Variants in METTL15 observed in about 807,000 individuals in gnomAD.
METTL15 encodes methyltransferase 15, mitochondrial 12S rRNA N4-cytidine.
A neutral mutation model predicts 38.3 loss-of-function variants in METTL15; 34 were observed. The ratio of observed to expected loss-of-function variants is 0.89; its 90% confidence interval spans 0.68 to 1.18. The LOEUF (loss-of-function observed/expected upper bound fraction) is 1.18, where lower values mean the gene tolerates loss of function less well. Ranked by LOEUF, METTL15 falls within the 50% of genes most tolerant of loss-of-function variation. The pLI is 0.00. For synonymous variants in METTL15, 162 were observed against 170.9 expected, an observed-to-expected ratio of 0.95 and a Z score of 0.41; for missense variants, 438 against 498.4, an observed-to-expected ratio of 0.88 and a Z score of 1.15.
At chr11:28,172,707 G>A (rs976995210) in intron 3 of METTL15, among the ~76,000 whole-genome samples, 3 of 152,148 alleles carry the variant, frequency 2.0e-5, no homozygotes, top group African/African-American at 4.8e-5. Context: ...CAGACATTGC[G>A]TTAGGTACTA....
At chr11:28,297,024 T>G in intron 6 of METTL15, 93 bp downstream of exon 6, 2 of 1,275,700 alleles carry the variant, frequency 1.6e-6, no homozygotes, top group Non-Finnish European at 2.2e-6. Context: ...CACATGTGTG[T>G]GTGCATTAAT....
chr11:28,299,496 A>G (rs116420608), intron 6 of METTL15, among the ~76,000 whole-genome samples: 2,624 of 152,190 alleles, frequency 0.017, 70 homozygotes, highest in African/African-American at 0.059. Flanking sequence ...TTATGTAATA[A>G]CAACAGTGAA....
At chr11:28,127,037 A>G (rs774876622) in intron 3 of METTL15, among the ~76,000 whole-genome samples, 9 of 152,126 alleles carry the variant, frequency 5.9e-5, no homozygotes, top group Admixed American at 2.0e-4. Flanking sequence ...GTAAGAATGA[A>G]AGATTGTAAG....
chr11:28,308,921 T>TAGAC (rs1857175782), intron 6 of METTL15, among the ~76,000 whole-genome samples: 1 of 151,862 alleles, frequency 6.6e-6, no homozygotes, highest in Non-Finnish European at 1.5e-5. Context: ...GATAGATAGA[T>TAGAC]AGATAGATAG....
At chr11:28,320,761 G>GT in intron 6 of METTL15, among the ~76,000 whole-genome samples, 1 of 152,194 alleles carries the variant, frequency 6.6e-6, no homozygotes, top group East Asian at 1.9e-4. Context: ...AACCTGGAAG[G>GT]TTTAGGCTGA....
chr11:28,223,043 C>CT (rs1853313664), intron 4 of METTL15, among the ~76,000 whole-genome samples: 1 of 152,068 alleles, frequency 6.6e-6, no homozygotes, highest in African/African-American at 2.4e-5. Context: ...GAAAAGGATA[C>CT]TTTCATCTAT....
At chr11:28,295,143 A>G (rs1425990463) in intron 5 of METTL15, among the ~76,000 whole-genome samples, 1 of 152,134 alleles carries the variant, frequency 6.6e-6, no homozygotes, top group Non-Finnish European at 1.5e-5. Flanking sequence ...GGGAAGATCT[A>G]AAGGACAGTG....
At position 28,328,160 on chromosome 11, in the gene METTL15, C is replaced by G. The variant is rs1243316467; in HGVS notation, c.779-2236C>G. ...TTAGGAAAATGGACGAATTGAATAG[C>G]AAATGGTAAGAAGCTGGCCTTCCTT... is the stretch of plus-strand genomic sequence containing the variant. On this transcript the variant is annotated intron_variant, in intron 6 of 6. Coordinates refer to ENST00000407364, the MANE Select transcript of METTL15 (RefSeq NM_001113528.2). The G allele has an allele frequency of 2.5e-6, 4 of 1,610,202 alleles. No individual in the cohort carries two copies. The African/African-American group carries it at 5.4e-5, about 22-fold the overall frequency.
At chr11:28,161,905 A>G (rs1371744608) in intron 3 of METTL15, among the ~76,000 whole-genome samples, 12 of 152,160 alleles carry the variant, frequency 7.9e-5, no homozygotes, top group Non-Finnish European at 1.6e-4. Context: ...TTTGAGGGTC[A>G]CTTACAGAGC....
intron 4 of METTL15, among the ~76,000 whole-genome samples, chr11:28,244,607 A>T (rs1477177391): frequency 2.0e-5 from 3 of 152,182 alleles, no homozygotes; most frequent in Non-Finnish European, 4.4e-5. Context: ...GGTTATTCTG[A>T]CATATGTCCA....
intron 5 of METTL15, among the ~76,000 whole-genome samples, chr11:28,386,289 T>A (rs1160831808): frequency 6.6e-6 from 1 of 151,916 alleles, no homozygotes; most frequent in Non-Finnish European, 1.5e-5. Context: ...ATAAATTAAA[T>A]GCCCCAGGCT....
Position 28,162,935 on chromosome 11 carries a change from CT to C in METTL15, c.271-48126del, listed in dbSNP as rs199845294. ...CAAACCATCATAAATTGGGGACTAT[CT>C]GTATTCTATCAGATAGGTAGTATTT... On this transcript the variant is annotated intron_variant, in intron 3 of 6. Transcript: ENST00000407364. Among the ~76,000 whole-genome samples, 374 of 152,130 alleles carry C rather than the reference CT, an allele frequency of 2.5e-3. 8 individuals carry two copies. The highest frequency in any genetic ancestry group is 0.023 in the Admixed American group (344 of 15,260).
chr11:28,159,062 A>G lies in METTL15; in HGVS notation c.270+45458A>G, dbSNP rs144317086. Among the ~76,000 whole-genome samples the G allele has an allele frequency of 3.3e-3, 509 of 152,242 alleles. 4 individuals carry two copies. Among genetic ancestry groups the G allele is most frequent in the South Asian group, 0.014 (69 of 4,820 alleles). On this transcript the variant is annotated intron_variant, in intron 3 of 6. Transcript: ENST00000407364. ...AATTTTTGCTTCCTGTTCCCGCGAC[A>G]TTACTTTCTGCTGGCACAGAGGTCT... is the stretch of plus-strand genomic sequence containing the variant.
intron 6 of METTL15, among the ~76,000 whole-genome samples, chr11:28,467,158 A>G (rs1457380159): frequency 6.6e-6 from 1 of 152,184 alleles, no homozygotes. Context: ...GCACTGCGGA[A>G]AAGTTGAAAT....
At chr11:28,426,584 G>GTTTTTTTTTTTTTTTTT (rs66959082) in intron 6 of METTL15, among the ~76,000 whole-genome samples, 4 of 82,338 alleles carry the variant, frequency 4.9e-5, no homozygotes, top group Admixed American at 2.4e-4. Flanking sequence ...GCCAGCATCT[G>GTTTTTTTTTTTTTTTTT]TTTTTTTTTT....
intron 3 of METTL15, among the ~76,000 whole-genome samples, chr11:28,161,016 G>C (rs762555628): frequency 6.8e-6 from 1 of 147,328 alleles, no homozygotes; most frequent in Non-Finnish European, 1.5e-5. Context: ...GTAATTGAAA[G>C]AAATAAAAGC....
intron 6 of METTL15, among the ~76,000 whole-genome samples, chr11:28,509,990 C>T (rs1227404704): frequency 6.6e-6 from 1 of 151,876 alleles, no homozygotes; most frequent in African/African-American, 2.4e-5. Flanking sequence ...TTCCTGGATG[C>T]CCACATTCAA....
At chr11:28,335,988 C>T (rs1849897500), downstream of METTL15, among the ~76,000 whole-genome samples, 1 of 152,056 alleles carries the variant, frequency 6.6e-6, no homozygotes, top group African/African-American at 2.4e-5. Context: ...GTACATAGTG[C>T]TATTATTTTG....
At chr11:28,165,222 A>G (rs1054035368) in intron 3 of METTL15, among the ~76,000 whole-genome samples, 13 of 152,236 alleles carry the variant, frequency 8.5e-5, no homozygotes, top group Middle Eastern at 3.4e-3. Flanking sequence ...TTGCTAGGCC[A>G]TATAGTAGTT....
Sources: allele counts gnomAD v4.1 joint callset (sites outside exome capture counted in the v4.1 genomes callset), GRCh38; gene constraint gnomAD v4.1.1; transcripts MANE v1.5; gene names NCBI Gene and HGNC (gene_info 2026-07-23, HGNC 2026-07-21).